The following PKD1L3 variants were observed in gnomAD, a reference collection of about 807,000 sequenced individuals.
PKD1L3 encodes polycystin 1 like 3, transient receptor potential channel interacting.
In PKD1L3, 239 loss-of-function variants were observed where a neutral mutation model predicts 184.1. The ratio of observed to expected loss-of-function variants is 1.30; its 90% CI spans 1.17 to 1.45. The LOEUF (loss-of-function observed/expected upper bound fraction) is 1.45. PKD1L3 is among the 40% of genes most tolerant of loss of function. The pLI is 0.00. For missense variants in PKD1L3, 2,660 were observed against 2,067.2 expected (o/e 1.29, Z -5.56); for synonymous variants, 996 against 778.8 (o/e 1.28, Z -4.64).
chr16:71,978,460 T>C, intron 9 of PKD1L3, 77 bp from the exon 10 acceptor site: 2 of 979,114 alleles, frequency 2.0e-6, no homozygotes, highest in East Asian at 6.3e-5. Context: ...ATATATCATA[T>C]ATACATATGT....
intron 21 of PKD1L3, among the ~76,000 whole-genome samples, chr16:71,949,226 T>C (rs779246874): frequency 6.6e-6 from 1 of 152,128 alleles, no homozygotes; most frequent in Non-Finnish European, 1.5e-5. Context: ...TTCAAAGTGC[T>C]TTGGGTTGTT....
intron 6 of PKD1L3, 117 bp from the exon 7 acceptor site, chr16:71,982,352 A>G (rs1172888003): frequency 1.2e-6 from 1 of 851,282 alleles, no homozygotes; most frequent in African/African-American, 2.0e-5. Flanking sequence ...ATGGCGTGAT[A>G]TCGACTCACT....
chr16:71,942,502 C>T (rs1254441238), intron 24 of PKD1L3, 58 bp downstream of exon 24: 1 of 1,414,776 alleles, frequency 7.1e-7, no homozygotes, highest in Non-Finnish European at 9.6e-7. Flanking sequence ...TGGTTTTGCA[C>T]TTATTGAACA....
In PKD1L3 at chr16:71,933,496, A is replaced by G. The variant is rs751650620; in HGVS notation, c.4850T>C (p.Ile1617Thr). The change falls in exon 28 of 30, where the codon ATC becomes ACC. Residue 1617 changes from isoleucine to threonine, a missense_variant. Ile to Thr is a moderately conservative substitution (Grantham distance 89, BLOSUM62 -1). Transcript: ENST00000620267. ...IAFNLLFGCS[I>T]SDYRTFFSSA... is the part of the protein sequence containing the mutation. The stretch of plus-strand genomic sequence containing the variant: ...GCTGAAAAATGTCCGGTAGTCAGAG[A>G]TGCTGCATCCAAACAGCAGGTTAAA... 3.9e-6 allele frequency: 6 copies of G among 1,551,768 alleles called. No individual in the cohort carries two copies. The highest frequency in any genetic ancestry group is 4.9e-5 in the East Asian group (2 of 40,926).
At chr16:71,962,185 A>G (rs1317749281) in intron 16 of PKD1L3, among the ~76,000 whole-genome samples, 1 of 152,024 alleles carries the variant, frequency 6.6e-6, no homozygotes, top group African/African-American at 2.4e-5. Context: ...CGGCCTCCCA[A>G]AGTGCTGGGA....
At chr16:71,969,831 C>T (rs1410011309) in intron 13 of PKD1L3, 44 bp downstream of exon 13, 64 of 1,496,294 alleles carry the variant, frequency 4.3e-5, no homozygotes, top group Non-Finnish European at 5.7e-5. Context: ...TATTTAATTA[C>T]TCAAAACATC....
At chr16:71,993,903 T>G (rs1238498543) in intron 2 of PKD1L3, among the ~76,000 whole-genome samples, 1 of 152,046 alleles carries the variant, frequency 6.6e-6, no homozygotes, top group Non-Finnish European at 1.5e-5. Context: ...GCCTCCCGAG[T>G]AGCTGGGATT....
Position 71,947,531 on chromosome 16 carries a change from CTT to C in PKD1L3, c.3677_3678del (p.Lys1226ArgfsTer3). 6.5e-7 allele frequency: 1 copy of C among 1,546,890 alleles called. No homozygotes were observed. Among genetic ancestry groups the C allele is most frequent in the East Asian group, 2.4e-5 (1 of 40,890 alleles). On this transcript the variant is annotated frameshift_variant, in exon 22 of 30. Transcript: ENST00000620267. LOFTEE classifies it high-confidence loss of function. ...ATCCTCTTTGTTTGTTGTTCATTCTCTTTGTTAAGCCGTGGCATCCTGCTCAT... is the reference window on the plus strand; with the variant it reads ...ATCCTCTTTGTTTGTTGTTCATTCTCTGTTAAGCCGTGGCATCCTGCTCAT... ...LMMSRMPRLN[K>X]ENEQQTKRIL...
Position 71,978,368 on chromosome 16 carries a change from A to T in PKD1L3, c.1414T>A (p.Phe472Ile). The T allele has an allele frequency of 6.5e-7, 1 of 1,549,330 alleles. No individual in the cohort carries two copies. The highest frequency in any genetic ancestry group is 8.7e-7 in the Non-Finnish European group (1 of 1,145,544). ...TTGTCCAAATCCTTGAAGGGATTGAAAGCTAGTCCTGTTATCTAAAGACAA... is the reference window on the plus strand; with the variant it reads ...TTGTCCAAATCCTTGAAGGGATTGATAGCTAGTCCTGTTATCTAAAGACAA... Reference protein sequence around the residue: ...GVNVQITGLAFNPFKDLDNRN... With the variant: ...GVNVQITGLAINPFKDLDNRN... Residue 472 changes from phenylalanine (F) to isoleucine (I), a missense_variant, in exon 10 of 30, where the codon TTC becomes ATC. By Grantham distance (21) the Phe-to-Ile change is conservative. Transcript: ENST00000620267.
chr16:71,954,205 G>A lies in PKD1L3; in HGVS notation c.2709C>T (p.Val903=). Residue 903 remains valine (V), a synonymous_variant, in exon 17 of 30, where the codon GTC becomes GTT. Transcript: ENST00000620267. ...TRHPWNQFTR[V]QRLSCCMTLL... Reference sequence around the variant, plus strand: ...GTGTCATGCAGCAAGACAGCCGTTGGACCCTTGTAAACTGGTTCCAGGGAT... The same window carrying A: ...GTGTCATGCAGCAAGACAGCCGTTGAACCCTTGTAAACTGGTTCCAGGGAT... 1 of 1,551,796 alleles carries A rather than the reference G, an allele frequency of 6.4e-7. No individual in the cohort carries two copies. The highest frequency in any genetic ancestry group is 8.7e-7 in the Non-Finnish European group (1 of 1,146,902).
intron 4 of PKD1L3, among the ~76,000 whole-genome samples, chr16:71,986,862 C>T (rs1255682248): frequency 6.7e-6 from 1 of 148,170 alleles, no homozygotes; most frequent in Non-Finnish European, 1.5e-5. Context: ...AACAATAATG[C>T]TAAGCAGAGA....
intron 16 of PKD1L3, among the ~76,000 whole-genome samples, chr16:71,958,834 C>G (rs936158139): frequency 7.0e-6 from 1 of 142,814 alleles, no homozygotes; most frequent in East Asian, 2.1e-4. Context: ...CACCTGTAAT[C>G]TTAGCACTTT....
intron 15 of PKD1L3, among the ~76,000 whole-genome samples, chr16:71,966,671 A>ATCT (rs1328352994): frequency 6.6e-6 from 1 of 151,988 alleles, no homozygotes; most frequent in Non-Finnish European, 1.5e-5. Flanking sequence ...GCCTCAAGTG[A>ATCT]TCTTCCTGCC....
At chr16:71,955,812 G>A (rs8048947) in intron 16 of PKD1L3, among the ~76,000 whole-genome samples, 6,300 of 152,076 alleles carry the variant, frequency 0.041, 424 homozygotes, top group African/African-American at 0.14. Context: ...GGTTTTATAA[G>A]GTGCTCCCCA....
intron 1 of PKD1L3, among the ~76,000 whole-genome samples, chr16:71,999,041 G>T (rs1418497751): frequency 6.6e-6 from 1 of 152,144 alleles, no homozygotes; most frequent in African/African-American, 2.4e-5. Context: ...GGAGGCCGAG[G>T]CGGGCGGATC....
At chr16:71,963,424 A>G (rs1347966008) in intron 15 of PKD1L3, 73 bp from the exon 16 acceptor site, 21 of 1,388,102 alleles carry the variant, frequency 1.5e-5, no homozygotes, top group Non-Finnish European at 1.9e-5. Flanking sequence ...ACGTAATCTC[A>G]GACCATTAGT....
At chr16:71,973,793 G>A (rs776189961) in intron 11 of PKD1L3, among the ~76,000 whole-genome samples, 16 of 152,060 alleles carry the variant, frequency 1.1e-4, no homozygotes, top group Non-Finnish European at 2.2e-4. Flanking sequence ...CTTGAGGTCA[G>A]GAGTTCGAGA....
intron 15 of PKD1L3, among the ~76,000 whole-genome samples, chr16:71,965,678 C>G (rs571672622): frequency 2.0e-5 from 3 of 151,880 alleles, no homozygotes; most frequent in African/African-American, 7.3e-5. Context: ...CTCGGTCTCT[C>G]GAGCAGCTGG....
intron 4 of PKD1L3, among the ~76,000 whole-genome samples, chr16:71,989,150 T>A (rs1422534709): frequency 6.6e-6 from 1 of 152,172 alleles, no homozygotes; most frequent in Admixed American, 6.5e-5. Context: ...ATACTGAGGG[T>A]TTTTTTGTTT....
Sources: allele counts gnomAD v4.1 joint callset (sites outside exome capture counted in the v4.1 genomes callset), GRCh38; gene constraint gnomAD v4.1.1; transcripts MANE v1.5; gene names NCBI Gene and HGNC (gene_info 2026-07-23, HGNC 2026-07-21).